SDK1: variants seen among roughly 807,000 people sequenced by gnomAD.
SDK1 encodes the protein protein sidekick-1.
Under a neutral mutation model 245.5 loss-of-function variants are expected in SDK1, and 157 were observed. That is an observed-to-expected ratio of 0.64 (90% CI 0.56 to 0.73). The LOEUF is 0.73. Ranked by LOEUF, SDK1 falls within the 30% of genes least tolerant of loss-of-function variation. The probability of loss-of-function intolerance (pLI) is 0.00; values close to 1 mark genes in which losing one functional copy is unlikely to be tolerated. For synonymous variants in SDK1, 1,647 were observed against 1,278.5 expected, an observed-to-expected ratio of 1.29 and a Z score of -6.15; for missense variants, 3,583 against 3,002.3, an observed-to-expected ratio of 1.19 and a Z score of -4.52.
chr7:3,943,049 T>G (rs577653609), intron 5 of SDK1, among the ~76,000 whole-genome samples: 1 of 152,182 alleles, frequency 6.6e-6, no homozygotes, highest in African/African-American at 2.4e-5. Context: ...TGCGAAAGTT[T>G]CAAGAGGCGT....
rs545494264 is a variant in SDK1 at position 3,530,853 on chromosome 7, A to G, written c.299-88227A>G. ...AACATATTTTCTGAAAGAATTAATC[A>G]CTTATTTCCCTATGCATAAAAACAT... On this transcript the variant is annotated intron_variant, in intron 1 of 44. Coordinates refer to ENST00000404826, the MANE Select transcript of SDK1 (RefSeq NM_152744.4). Among the ~76,000 whole-genome samples, 46 of 152,344 alleles carry G rather than the reference A, an allele frequency of 3.0e-4. 1 individual carries two copies. The highest frequency in any genetic ancestry group is 5.3e-4 in the Non-Finnish European group (36 of 68,012).
chr7:3,564,753 T>C (rs564621942), intron 1 of SDK1, among the ~76,000 whole-genome samples: 70 of 152,152 alleles, frequency 4.6e-4, no homozygotes, highest in Non-Finnish European at 9.6e-4. Flanking sequence ...CCTGAGAGAA[T>C]TTTATGGTTG....
intron 1 of SDK1, among the ~76,000 whole-genome samples, chr7:3,457,494 T>A (rs1310583018): frequency 6.6e-6 from 1 of 152,186 alleles, no homozygotes; most frequent in Non-Finnish European, 1.5e-5. Flanking sequence ...TGTACATCCT[T>A]ATGACTATTA....
intron 35 of SDK1, among the ~76,000 whole-genome samples, chr7:4,205,300 G>T (rs1019062179): frequency 7.9e-5 from 12 of 152,146 alleles, no homozygotes; most frequent in African/African-American, 2.9e-4. Context: ...CCTGTCATGG[G>T]AACACAGCTA....
chr7:3,492,299 C>A (rs1562519938), intron 1 of SDK1, among the ~76,000 whole-genome samples: 1 of 152,158 alleles, frequency 6.6e-6, no homozygotes, highest in Non-Finnish European at 1.5e-5. Flanking sequence ...TCGAGACCAT[C>A]CTGGCTAACA....
intron 25 of SDK1, among the ~76,000 whole-genome samples, chr7:4,123,783 C>T (rs1784215532): frequency 6.6e-6 from 1 of 152,202 alleles, no homozygotes; most frequent in African/African-American, 2.4e-5. Flanking sequence ...TGGGGGTTTT[C>T]TATTTTGTGG....
chr7:4,251,553 G>A (rs1012775987), intron 44 of SDK1, among the ~76,000 whole-genome samples: 3 of 152,162 alleles, frequency 2.0e-5, no homozygotes, highest in Admixed American at 6.5e-5. Context: ...TCACTGCCCA[G>A]GGTTTTTATC....
intron 1 of SDK1, among the ~76,000 whole-genome samples, chr7:3,515,151 A>T (rs768180941): frequency 6.6e-5 from 10 of 152,124 alleles, no homozygotes; most frequent in African/African-American, 2.4e-4. Flanking sequence ...GGTGCAGTCA[A>T]TTCTCATTCT....
At chr7:3,644,773 C>CAAAAAAAAAAAAAAAAAAAA (rs34276127) in intron 4 of SDK1, among the ~76,000 whole-genome samples, 5 of 40,028 alleles carry the variant, frequency 1.2e-4, no homozygotes, top group South Asian at 1.5e-3. Context: ...ACCCTGTCTC[C>CAAAAAAAAAAAAAAAAAAAA]AAAAAAAAAA....
intron 1 of SDK1, among the ~76,000 whole-genome samples, chr7:3,611,190 T>G (rs1253988716): frequency 6.6e-6 from 1 of 152,202 alleles, no homozygotes. Flanking sequence ...CATCTAAGTA[T>G]ATTTGAAAGT....
chr7:4,131,936 C>G lies in SDK1; in HGVS notation c.4130-389C>G, dbSNP rs181866488. ...CCACCTGCTTTGCAGATGTCAAACC[C>G]AGTAAGGGAATCCGAGCTCAGATGA... is the stretch of plus-strand genomic sequence containing the variant. On this transcript the variant is annotated intron_variant, in intron 27 of 44. Transcript: ENST00000404826. Among the ~76,000 whole-genome samples, 430 of 152,300 alleles carry G rather than the reference C, an allele frequency of 2.8e-3. 1 individual carries two copies. Among genetic ancestry groups the G allele is most frequent in the African/African-American group, 9.3e-3 (387 of 41,542 alleles).
At chr7:3,339,693 AAT>A (rs1161558731) in intron 1 of SDK1, among the ~76,000 whole-genome samples, 16 of 152,142 alleles carry the variant, frequency 1.1e-4, no homozygotes, top group African/African-American at 3.6e-4. Context: ...TAAAAATGAA[AAT>A]ATGTTATTAA....
chr7:3,845,405 G>A (rs758338465), intron 5 of SDK1, among the ~76,000 whole-genome samples: 8 of 147,978 alleles, frequency 5.4e-5, no homozygotes, highest in Non-Finnish European at 3.0e-5. Context: ...CAGGAGAATC[G>A]CTTGAACCCG....
intron 22 of SDK1, among the ~76,000 whole-genome samples, 163 bp from the exon 23 acceptor site, chr7:4,110,500 C>T (rs1195578389): frequency 6.6e-6 from 1 of 152,158 alleles, no homozygotes; most frequent in Non-Finnish European, 1.5e-5. Flanking sequence ...GCCTGTATCT[C>T]CAAGGCACAA....
At chr7:4,085,882 G>T (rs748037295) in intron 22 of SDK1, among the ~76,000 whole-genome samples, 1 of 152,060 alleles carries the variant, frequency 6.6e-6, no homozygotes, top group Non-Finnish European at 1.5e-5. Flanking sequence ...AATTGGTGGA[G>T]GATTTTAAAC....
At chr7:3,972,285 T>A (rs990765433) in intron 12 of SDK1, among the ~76,000 whole-genome samples, 2 of 152,144 alleles carry the variant, frequency 1.3e-5, no homozygotes, top group Non-Finnish European at 1.5e-5. Context: ...TTCACCATGT[T>A]AGCCAGGATG....
At chr7:3,454,379 C>T (rs1423302268) in intron 1 of SDK1, among the ~76,000 whole-genome samples, 1 of 86,944 alleles carries the variant, frequency 1.2e-5, no homozygotes, top group African/African-American at 3.7e-5. Flanking sequence ...TTTTCGTGTT[C>T]CCCAAGATTT....
chr7:3,595,382 C>T (rs1781020694), intron 1 of SDK1, among the ~76,000 whole-genome samples: 1 of 152,026 alleles, frequency 6.6e-6, no homozygotes, highest in Non-Finnish European at 1.5e-5. Flanking sequence ...ATAGCTACTG[C>T]ATGGATTATC....
At chr7:4,228,478 A>C (rs1411206104) in intron 40 of SDK1, among the ~76,000 whole-genome samples, 1 of 152,152 alleles carries the variant, frequency 6.6e-6, no homozygotes, top group Non-Finnish European at 1.5e-5. Flanking sequence ...ATTTTGGGGG[A>C]TCAGTGATCT....
Sources: gnomAD v4.1 joint callset for allele counts (sites outside exome capture counted in the v4.1 genomes callset) on GRCh38, gnomAD v4.1.1 for gene constraint, MANE v1.5 for transcripts, NCBI Gene and HGNC (gene_info 2026-07-23, HGNC 2026-07-21) for gene names.